The following FNTB variants were observed in gnomAD, a reference collection of about 807,000 sequenced individuals.
The protein encoded by FNTB is protein farnesyltransferase subunit beta.
A neutral mutation model predicts 59.4 loss-of-function variants in FNTB; 27 were observed. The ratio of observed to expected loss-of-function variants is 0.45; its 90% CI spans 0.34 to 0.63. The LOEUF is 0.63. Ranked by LOEUF, FNTB falls within the 20% of genes least tolerant of loss-of-function variation. The probability of loss-of-function intolerance (pLI) is 0.02; values close to 1 mark genes in which losing one functional copy is unlikely to be tolerated. For missense variants in FNTB, 449 were observed against 559.6 expected (o/e 0.80, Z 1.99); for synonymous variants, 230 against 220.7 (o/e 1.04, Z -0.37).
intron 4 of FNTB, 47 bp downstream of exon 4, chr14:65,015,763 T>G: frequency 6.3e-7 from 1 of 1,590,668 alleles, no homozygotes. Flanking sequence ...AAATTGTATT[T>G]TGAGTTTGGG....
At chr14:65,033,089 C>T (rs1459712197) in intron 7 of FNTB, among the ~76,000 whole-genome samples, 1 of 152,082 alleles carries the variant, frequency 6.6e-6, no homozygotes, top group African/African-American at 2.4e-5. Flanking sequence ...GAGCCAAAAG[C>T]TGAAAGCAGA....
At chr14:65,053,468 T>A in intron 10 of FNTB, 119 bp downstream of exon 10, 1 of 860,418 alleles carries the variant, frequency 1.2e-6, no homozygotes. Flanking sequence ...AGCACCTGCA[T>A]AGCGCTAGGT....
intron 7 of FNTB, among the ~76,000 whole-genome samples, chr14:65,039,710 TAGAA>T (rs1299302252): frequency 6.6e-6 from 1 of 152,174 alleles, no homozygotes; most frequent in East Asian, 1.9e-4. Flanking sequence ...CTGGGTAACT[TAGAA>T]AGAAAAGAGG....
At chr14:65,025,265 G>A (rs758878117) in intron 4 of FNTB, among the ~76,000 whole-genome samples, 31 of 152,258 alleles carry the variant, frequency 2.0e-4, no homozygotes, top group African/African-American at 6.7e-4. Flanking sequence ...CGTTCGGCAC[G>A]ATTCTATCTT....
chr14:65,020,408 C>G (rs558829460), intron 4 of FNTB, among the ~76,000 whole-genome samples: 2 of 152,272 alleles, frequency 1.3e-5, no homozygotes, highest in East Asian at 3.9e-4. Flanking sequence ...CCACCATGCC[C>G]AGTCCATAGG....
At chr14:64,989,310 G>A (rs956063371) in intron 1 of FNTB, among the ~76,000 whole-genome samples, 17 of 150,120 alleles carry the variant, frequency 1.1e-4, no homozygotes, top group Non-Finnish European at 1.5e-4. Context: ...TGAGCGTGGT[G>A]GCATGCACCT....
chr14:65,045,094 G>A (rs1294314711), intron 9 of FNTB, among the ~76,000 whole-genome samples: 2 of 152,158 alleles, frequency 1.3e-5, no homozygotes, highest in African/African-American at 2.4e-5. Flanking sequence ...ACGCAAAACC[G>A]AAGTAGTTAG....
Position 65,011,742 on chromosome 14 carries a change from A to T in FNTB, c.210-575A>T, listed in dbSNP as rs1000029483. Among the ~76,000 whole-genome samples the T allele has an allele frequency of 6.6e-6, 1 of 152,208 alleles. No individual in the cohort carries two copies. Among genetic ancestry groups the T allele is most frequent in the Middle Eastern group, 3.2e-3 (1 of 316 alleles). ...TATTGCTGACTTGAAAGCCAAGGAC[A>T]GCGACTGGCTGCAGAACACGGTCCT... On this transcript the variant is annotated intron_variant, in intron 2 of 11. Coordinates refer to ENST00000246166, the MANE Select transcript of FNTB (RefSeq NM_002028.4). This position sits in a 1 kb window ranked among gnomAD's most constrained non-coding sequence, Gnocchi z 4.0.
chr14:65,002,721 G>A lies in FNTB; in HGVS notation c.145-1528G>A, dbSNP rs138323230. Among the ~76,000 whole-genome samples the A allele has an allele frequency of 6.8e-3, 1,040 of 152,302 alleles. 12 individuals are homozygous for A. The highest frequency in any genetic ancestry group is 0.021 in the African/African-American group (880 of 41,570). ...GGGAAGAATCCTCAAATCCCTCCTT[G>A]AGGAATTTGGGGTTAGGGCTTTTAA... On this transcript the variant is annotated intron_variant, in intron 1 of 11. Coordinates refer to ENST00000246166, the MANE Select transcript of FNTB (RefSeq NM_002028.4).
At position 65,014,483 on chromosome 14, in the gene FNTB, A is replaced by G. The variant is rs915211608; in HGVS notation, c.283-1142A>G. ...TCTGTCCAGTGCTCTCTTCCCCTAC[A>G]GGTAACCACACACATTCTATATCCC... On this transcript the variant is annotated intron_variant, in intron 3 of 11. Coordinates refer to ENST00000246166, the MANE Select transcript of FNTB (RefSeq NM_002028.4). The surrounding 1 kb of genome is among the most constrained non-coding windows in gnomAD (Gnocchi z 5.1). 1.3e-5 allele frequency among the ~76,000 whole-genome samples: 2 copies of G among 152,182 alleles called. No homozygotes were observed. The highest frequency in any genetic ancestry group is 1.3e-4 in the Admixed American group (2 of 15,274).
At chr14:65,022,661 C>A (rs1223386492) in intron 4 of FNTB, among the ~76,000 whole-genome samples, 1 of 151,838 alleles carries the variant, frequency 6.6e-6, no homozygotes, top group Non-Finnish European at 1.5e-5. Context: ...GCCACCACAC[C>A]CAGCCAAATA....
At chr14:65,006,372 T>G in intron 2 of FNTB, 1 of 1,546,762 alleles carries the variant, frequency 6.5e-7, no homozygotes, top group South Asian at 1.2e-5. Context: ...AACCCAATGC[T>G]CTGACCTCAA....
chr14:65,015,829 G>T, intron 4 of FNTB, 113 bp downstream of exon 4: 2 of 1,257,918 alleles, frequency 1.6e-6, no homozygotes, highest in Non-Finnish European at 2.2e-6. Context: ...GTGCCACAAA[G>T]AAATCTTTGC....
At position 65,031,977 on chromosome 14, in the gene FNTB, A is replaced by C. The variant is rs2062093830; in HGVS notation, c.606-633A>C. On this transcript the variant is annotated intron_variant, in intron 6 of 11. Transcript: ENST00000246166. This position sits in a 1 kb window ranked among gnomAD's most constrained non-coding sequence, Gnocchi z 4.6. Reference sequence around the variant, plus strand: ...ATATAGACGTGCGCCTTTTTCATTTAACGTGTGTGTGTGTGTGTGTGTGTG... The same window carrying C: ...ATATAGACGTGCGCCTTTTTCATTTCACGTGTGTGTGTGTGTGTGTGTGTG... Among the ~76,000 whole-genome samples the C allele has an allele frequency of 8.1e-6, 1 of 123,208 alleles. No individual in the cohort carries two copies. The highest frequency in any genetic ancestry group is 1.7e-5 in the Non-Finnish European group (1 of 59,882). The allele number at this position is 123,208 out of a possible 152,430, so 80.8% of individuals were successfully genotyped here.
At chr14:65,059,869 T>C (rs2062822701) in intron 11 of FNTB, among the ~76,000 whole-genome samples, 1 of 147,974 alleles carries the variant, frequency 6.8e-6, no homozygotes, top group African/African-American at 2.6e-5. Context: ...AGAGTCTCGC[T>C]GTTGCCCAGG....
chr14:65,052,419 G>C (rs918560092), intron 9 of FNTB, among the ~76,000 whole-genome samples: 7 of 152,008 alleles, frequency 4.6e-5, no homozygotes, highest in African/African-American at 1.7e-4. Flanking sequence ...TTTTAGCCCA[G>C]GTATCAAAAT....
At position 64,986,967 on chromosome 14, in the gene FNTB, G is replaced by C; in HGVS notation, c.14G>C (p.Ser5Thr). 2.5e-6 allele frequency: 4 copies of C among 1,614,228 alleles called. No homozygotes were observed. Among genetic ancestry groups the C allele is most frequent in the Non-Finnish European group, 2.5e-6 (3 of 1,180,034 alleles). The change falls in exon 1 of 12, where the codon AGT (serine) becomes ACT (threonine). Residue 5 changes from serine to threonine, a missense_variant. Coordinates refer to ENST00000246166, the MANE Select transcript of FNTB (RefSeq NM_002028.4). The part of the protein sequence containing the change: MASP[S>T]SFTYYCPPSS... ...GCTCTCCTGATCATGGCTTCTCCGA[G>C]TTCTTTCACCTACTATTGCCCTCCA... is the stretch of plus-strand genomic sequence containing the variant.
At position 64,999,420 on chromosome 14, in the gene FNTB, AGAGT is replaced by A. The variant is rs1888521006; in HGVS notation, c.145-4825_145-4822del. Among the ~76,000 whole-genome samples, 3 of 152,360 alleles carry A rather than the reference AGAGT, an allele frequency of 2.0e-5. No homozygotes were observed. The South Asian group carries it at 6.2e-4, about 32-fold the overall frequency. On this transcript the variant is annotated intron_variant, in intron 1 of 11. Coordinates refer to ENST00000246166, the MANE Select transcript of FNTB (RefSeq NM_002028.4). ...AGCACTGCACTCAAGCCTGGGCAAC[AGAGT>A]GAGACTCCATCTCAAAAACAAAGAA... is the stretch of plus-strand genomic sequence containing the variant.
At chr14:65,049,033 A>C (rs2062549783) in intron 9 of FNTB, among the ~76,000 whole-genome samples, 1 of 152,054 alleles carries the variant, frequency 6.6e-6, no homozygotes, top group Non-Finnish European at 1.5e-5. Flanking sequence ...AGGCTGAGGC[A>C]GGAGAATCCC....
Sources: allele counts gnomAD v4.1 joint callset (sites outside exome capture counted in the v4.1 genomes callset), GRCh38; gene constraint gnomAD v4.1.1; non-coding constraint Gnocchi (gnomAD v3.1); transcripts MANE v1.5; gene names NCBI Gene and HGNC (gene_info 2026-07-23, HGNC 2026-07-21).